PLEKHG4B: variants seen among roughly 807,000 people sequenced by gnomAD.
The protein encoded by PLEKHG4B is pleckstrin homology and RhoGEF domain containing G4B, also known as pleckstrin homology domain-containing family G member 4B.
A neutral mutation model predicts 121.3 loss-of-function variants in PLEKHG4B; 111 were observed. That is an observed-to-expected ratio of 0.92 (90% confidence interval 0.78 to 1.07). PLEKHG4B has a LOEUF of 1.07. PLEKHG4B is among the 50% of genes least tolerant of loss of function. The pLI, the probability that PLEKHG4B is intolerant of heterozygous loss-of-function variation, is 0.00. For missense variants in PLEKHG4B, 1,831 were observed against 1,757.8 expected (o/e 1.04, Z -0.74); for synonymous variants, 738 against 725.0 (o/e 1.02, Z -0.29).
In PLEKHG4B at chr5:189,831, G is replaced by A. The variant is rs1272270959; in HGVS notation, c.*7508G>A. On this transcript the variant is annotated 3_prime_UTR_variant, in exon 20 of 20. Coordinates refer to ENST00000637938, the MANE Select transcript of PLEKHG4B (RefSeq NM_052909.5). The stretch of plus-strand genomic sequence containing the variant: ...GCCACACAGAGCCCGAGTAGGTAAA[G>A]GAAGGTTCTGGAAACCACTTTTCAG... 1 of 152,196 alleles carries A rather than the reference G, an allele frequency of 6.6e-6. No homozygotes were observed. Among genetic ancestry groups the A allele is most frequent in the Non-Finnish European group, 1.5e-5 (1 of 68,050 alleles). The allele number at this position is 152,196 out of a possible 1,614,324, so 9.4% of individuals were successfully genotyped here. A position where few individuals can be genotyped will look rare whatever the true frequency, so the allele number is the denominator to read the frequency against.
Position 163,493 on chromosome 5 carries a change from T to C in PLEKHG4B, c.3421T>C (p.Ser1141Pro). ...SPPVTQSRSL[S>P]SPSGLHPAEE... Reference sequence around the variant, plus strand: ...CCCGGTCACTCAGAGCCGGAGTCTGTCCTCCCCCTCGGGGCTCCACCCTGC... The same window carrying C: ...CCCGGTCACTCAGAGCCGGAGTCTGCCCTCCCCCTCGGGGCTCCACCCTGC... The change falls in exon 13 of 20, where the codon TCC becomes CCC. Residue 1141 changes from serine (S) to proline (P), a missense_variant. Physicochemically the swap from Ser to Pro is moderately conservative, Grantham distance 74. Transcript: ENST00000637938. 1 of 1,612,270 alleles carries C rather than the reference T, an allele frequency of 6.2e-7. No homozygotes were observed. The highest frequency in any genetic ancestry group is 1.1e-5 in the South Asian group (1 of 91,048).
chr5:108,027 G>C (rs1427510322), intron 1 of PLEKHG4B, among the ~76,000 whole-genome samples: 1 of 152,184 alleles, frequency 6.6e-6, no homozygotes, highest in Non-Finnish European at 1.5e-5. Flanking sequence ...CTACCAGCTT[G>C]ACCCCAGACT....
Position 140,140 on chromosome 5 carries a change from C to G in PLEKHG4B, c.901C>G (p.Pro301Ala). 3.1e-6 allele frequency: 2 copies of G among 647,438 alleles called. No individual in the cohort carries two copies. Among genetic ancestry groups the G allele is most frequent in the Non-Finnish European group, 2.5e-6 (1 of 394,226 alleles). The allele number at this position is 647,438 out of a possible 1,614,324, so 40.1% of individuals were successfully genotyped here. ...CCCCTCAGAGCAGGGCCCACGGATG[C>G]CCCCTGAGAACTGTGGGGGGTCGGG... ...VSPSEQGPRM[P>A]PENCGGSGER... Residue 301 changes from proline to alanine, a missense_variant, in exon 3 of 20, where the codon CCC becomes GCC. Transcript: ENST00000637938.
intron 1 of PLEKHG4B, among the ~76,000 whole-genome samples, chr5:97,518 C>T (rs1489922448): frequency 3.3e-5 from 5 of 152,226 alleles, no homozygotes; most frequent in Admixed American, 6.5e-5. Context: ...TTATCTATTC[C>T]GGACATTTCA....
intron 2 of PLEKHG4B, among the ~76,000 whole-genome samples, chr5:131,322 C>T (rs1170724876): frequency 6.6e-6 from 1 of 152,156 alleles, no homozygotes; most frequent in Non-Finnish European, 1.5e-5. Flanking sequence ...CAAGTGTTCT[C>T]ATTGTTCAAT....
At chr5:130,741 G>A (rs1388828492) in intron 2 of PLEKHG4B, among the ~76,000 whole-genome samples, 5 of 152,220 alleles carry the variant, frequency 3.3e-5, no homozygotes, top group Non-Finnish European at 1.5e-5. Flanking sequence ...CAACTTGAGT[G>A]CACCGCTTAG....
Position 162,862 on chromosome 5 carries a change from T to C in PLEKHG4B, c.2790T>C (p.Pro930=), listed in dbSNP as rs761476854. 2.0e-6 allele frequency: 3 copies of C among 1,518,630 alleles called. No homozygotes were observed. The highest frequency in any genetic ancestry group is 1.8e-6 in the Non-Finnish European group (2 of 1,132,136). The allele number at this position is 1,518,630 out of a possible 1,614,324, so 94.1% of individuals were successfully genotyped here. Residue 930 remains proline, a synonymous_variant, in exon 13 of 20, where the codon CCT becomes CCC. Transcript: ENST00000637938. ...GGGCAGGTGTGGCAGTGCTGAAGCC[T>C]CATGCCCTGGGGAAACCGTGGGCAT... is the stretch of plus-strand genomic sequence containing the variant. ...FPGAGVAVLK[P]HALGKPWASQ...
chr5:151,873 T>G (rs1441778652), intron 7 of PLEKHG4B, among the ~76,000 whole-genome samples: 2 of 152,218 alleles, frequency 1.3e-5, no homozygotes, highest in African/African-American at 4.8e-5. Context: ...TCTTCTTCAT[T>G]TGGCCTCATT....
intron 13 of PLEKHG4B, 40 bp from the exon 14 acceptor site, chr5:169,300 T>TG (rs769067797): frequency 6.2e-7 from 1 of 1,609,428 alleles, no homozygotes. Context: ...AAAGTGTCCG[T>TG]GGGGGGCCGT....
chr5:99,069 T>C (rs1287094553), intron 1 of PLEKHG4B, among the ~76,000 whole-genome samples: 1 of 145,542 alleles, frequency 6.9e-6, no homozygotes, highest in Non-Finnish European at 1.5e-5. Flanking sequence ...GGCAGGAGAA[T>C]TGCATGAATC....
At chr5:102,712 T>C (rs1361542088) in intron 1 of PLEKHG4B, among the ~76,000 whole-genome samples, 4 of 152,220 alleles carry the variant, frequency 2.6e-5, no homozygotes, top group African/African-American at 9.6e-5. Context: ...CTTTATAAAT[T>C]ATCTAGTCTC....
rs775911714 is a variant in PLEKHG4B at position 163,519 on chromosome 5, TGAG to T, written c.3453_3455del (p.Glu1151del). On this transcript the variant is annotated inframe_deletion, in exon 13 of 20. Transcript: ENST00000637938. The stretch of plus-strand genomic sequence containing the variant: ...CCTCCCCCTCGGGGCTCCACCCTGC[TGAG>T]GAGGATGGGAGGCAGCAGGTGGGCA... 2 of 1,608,316 alleles carry T rather than the reference TGAG, an allele frequency of 1.2e-6. No individual in the cohort carries two copies. The highest frequency in any genetic ancestry group is 1.7e-6 in the Non-Finnish European group (2 of 1,177,650).
At chr5:166,508 A>G (rs1425615195) in intron 13 of PLEKHG4B, among the ~76,000 whole-genome samples, 5 of 68,706 alleles carry the variant, frequency 7.3e-5, no homozygotes, top group South Asian at 1.3e-3. Flanking sequence ...TAATCTTCTG[A>G]CGGGGCGGAG....
intron 8 of PLEKHG4B, 100 bp from the exon 9 acceptor site, chr5:155,245 C>T (rs1162768942): frequency 1.8e-6 from 2 of 1,135,532 alleles, no homozygotes; most frequent in Admixed American, 1.7e-5. Context: ...GCTTCCCAAC[C>T]CGAGATCGGT....
chr5:146,267 GC>G (rs1735410276), intron 6 of PLEKHG4B, among the ~76,000 whole-genome samples: 1 of 37,854 alleles, frequency 2.6e-5, no homozygotes, highest in Non-Finnish European at 4.8e-5. Flanking sequence ...CTCCCACCCT[GC>G]CCCCCTCCCT....
intron 11 of PLEKHG4B, among the ~76,000 whole-genome samples, chr5:160,315 C>T (rs1735951369): frequency 6.6e-6 from 1 of 152,232 alleles, no homozygotes; most frequent in Non-Finnish European, 1.5e-5. Context: ...TGTGTCTCTG[C>T]TTCCTTCACA....
Position 137,335 on chromosome 5 carries a change from T to C in PLEKHG4B, c.244-2148T>C, listed in dbSNP as rs1028365869. Among the ~76,000 whole-genome samples the C allele has an allele frequency of 7.2e-5, 11 of 152,336 alleles. No individual in the cohort carries two copies. Among genetic ancestry groups the C allele is most frequent in the Admixed American group, 3.3e-4 (5 of 15,304 alleles). On this transcript the variant is annotated intron_variant, in intron 2 of 19. Coordinates refer to ENST00000637938, the MANE Select transcript of PLEKHG4B (RefSeq NM_052909.5). This position sits in a 1 kb window ranked among gnomAD's most constrained non-coding sequence, Gnocchi z 4.2. ...TGGAAAGTTCTGGAGATGGTGGTGA[T>C]GGTTACATAACCGTGTGAATGTACT...
intron 18 of PLEKHG4B, among the ~76,000 whole-genome samples, chr5:176,980 C>T (rs907869701): frequency 9.2e-5 from 14 of 152,288 alleles, no homozygotes; most frequent in Non-Finnish European, 1.5e-4. Flanking sequence ...GGACCTGGCA[C>T]CCCCTCCCCA....
chr5:107,753 C>T (rs1734018563), intron 1 of PLEKHG4B, among the ~76,000 whole-genome samples: 1 of 152,196 alleles, frequency 6.6e-6, no homozygotes, highest in Non-Finnish European at 1.5e-5. Flanking sequence ...TTTCTCTGCA[C>T]TTGCCCTGGT....
Sources: allele counts gnomAD v4.1 joint callset (sites outside exome capture counted in the v4.1 genomes callset), GRCh38; gene constraint gnomAD v4.1.1; non-coding constraint Gnocchi (gnomAD v3.1); transcripts MANE v1.5; gene names NCBI Gene and HGNC (gene_info 2026-07-23, HGNC 2026-07-21).